Variants in PRKAR1A observed in about 807,000 individuals in gnomAD.
The protein encoded by PRKAR1A is cAMP-dependent protein kinase type I-alpha regulatory subunit.
In PRKAR1A, 3 loss-of-function variants were observed where a neutral mutation model predicts 52.0. That is an observed-to-expected ratio of 0.06 (90% CI 0.03 to 0.15). PRKAR1A has a LOEUF of 0.15. PRKAR1A is among the 10% of genes least tolerant of loss of function. The pLI is 1.00. For synonymous variants in PRKAR1A, 188 were observed against 168.4 expected (o/e 1.12, Z -0.90); for missense variants, 240 against 477.4 (o/e 0.50, Z 4.63).
At chr17:68,495,254 A>G in the PRKAR1A span, among the ~76,000 whole-genome samples, 1 of 152,102 alleles carries the variant, frequency 6.6e-6, no homozygotes, top group Non-Finnish European at 1.5e-5. Context: ...GCTGGTTTCA[A>G]ACTCCTGGCC....
At chr17:68,543,869 G>A in intron 11 of PRKAR1A, 1 of 736,480 alleles carries the variant, frequency 1.4e-6, no homozygotes, top group South Asian at 1.5e-5. Context: ...GTCAGGAATG[G>A]CCTGTGGCTC....
chr17:68,434,654 A>G, the PRKAR1A span: 25,466 of 1,612,486 alleles, frequency 0.016, 244 homozygotes, highest in Non-Finnish European at 0.018. Flanking sequence ...TGGACATTTC[A>G]TAACCATTAG....
the PRKAR1A span, among the ~76,000 whole-genome samples, chr17:68,478,126 A>G: frequency 1.3e-5 from 2 of 152,116 alleles, no homozygotes; most frequent in African/African-American, 4.8e-5. Context: ...ATGTTCTTTG[A>G]TATTTTGGCT....
the PRKAR1A span, chr17:68,426,238 C>T: frequency 1.7e-4 from 107 of 615,270 alleles, 8 homozygotes; most frequent in Admixed American, 1.2e-4. Flanking sequence ...CATGACCTGG[C>T]GGGTGGGGAG....
At chr17:68,414,440 G>C in the PRKAR1A span, among the ~76,000 whole-genome samples, 1 of 152,112 alleles carries the variant, frequency 6.6e-6, no homozygotes, top group African/African-American at 2.4e-5. Context: ...CTAGTATTTT[G>C]TTAAGGATTT....
intron 11 of PRKAR1A, among the ~76,000 whole-genome samples, chr17:68,542,460 G>T (rs1296741346): frequency 6.6e-6 from 1 of 152,086 alleles, no homozygotes; most frequent in Non-Finnish European, 1.5e-5. Flanking sequence ...GGCCAGCATT[G>T]TAGGGTCAAT....
At chr17:68,459,107 T>C in the PRKAR1A span, among the ~76,000 whole-genome samples, 2 of 152,350 alleles carry the variant, frequency 1.3e-5, 1 homozygote, top group South Asian at 4.1e-4. Flanking sequence ...TAAAAAATAG[T>C]TCAGCTCATA....
the PRKAR1A span, among the ~76,000 whole-genome samples, chr17:68,441,660 C>A: frequency 6.6e-6 from 1 of 152,144 alleles, no homozygotes; most frequent in Non-Finnish European, 1.5e-5. Flanking sequence ...GAGAGGGCTG[C>A]GGAGTGAGTC....
chr17:68,462,893 G>C, the PRKAR1A span, among the ~76,000 whole-genome samples: 1 of 152,212 alleles, frequency 6.6e-6, no homozygotes, highest in Non-Finnish European at 1.5e-5. Flanking sequence ...AAGGGCACCA[G>C]CACTTTGCCT....
At chr17:68,417,689 C>T in the PRKAR1A span, among the ~76,000 whole-genome samples, 5 of 147,106 alleles carry the variant, frequency 3.4e-5, no homozygotes, top group African/African-American at 1.3e-4. Context: ...CAGTAGTTTG[C>T]CCTGTGACTT....
At chr17:68,446,186 A>AT in the PRKAR1A span, among the ~76,000 whole-genome samples, 81 of 146,828 alleles carry the variant, frequency 5.5e-4, no homozygotes, top group East Asian at 2.6e-3. Context: ...ACATTTCTCA[A>AT]TTTTTTTTTT....
the PRKAR1A span, among the ~76,000 whole-genome samples, chr17:68,443,912 G>C: frequency 5.9e-5 from 9 of 152,162 alleles, no homozygotes; most frequent in African/African-American, 2.2e-4. Context: ...AATGTCATCT[G>C]CTATTTCAAT....
intron 11 of PRKAR1A, chr17:68,541,865 G>C: frequency 2.5e-6 from 3 of 1,187,122 alleles, no homozygotes; most frequent in Non-Finnish European, 3.6e-6. Flanking sequence ...AATATGAAAT[G>C]GGGCAAAGGA....
chr17:68,516,156 G>A (rs531118547), intron 2 of PRKAR1A, among the ~76,000 whole-genome samples: 14 of 151,744 alleles, frequency 9.2e-5, no homozygotes, highest in African/African-American at 2.2e-4. Context: ...GACTTGTTGC[G>A]CCTTGAAAAA....
chr17:68,430,108 C>A, the PRKAR1A span: 1 of 1,614,112 alleles, frequency 6.2e-7, no homozygotes, highest in Non-Finnish European at 8.5e-7. Context: ...TTGGTAGCAG[C>A]CATAAACATC....
chr17:68,493,441 G>GC, the PRKAR1A span, among the ~76,000 whole-genome samples: 17,321 of 152,024 alleles, frequency 0.11, 996 homozygotes, highest in Middle Eastern at 0.15. Context: ...ATAGGGAGAA[G>GC]CTCATGGAAT....
In PRKAR1A at chr17:68,531,672, C is replaced by T; in HGVS notation, c.*1223C>T. On this transcript the variant is annotated 3_prime_UTR_variant, in exon 11 of 11. Coordinates refer to ENST00000589228, the MANE Select transcript of PRKAR1A (RefSeq NM_002734.5). ...AAAGGCTATCCTGCTGAAAGTCCTG[C>T]TTTCCTATCTAGCATTTATTTCTCT... 1 of 1,065,786 alleles carries T rather than the reference C, an allele frequency of 9.4e-7. No individual in the cohort carries two copies. Among genetic ancestry groups the T allele is most frequent in the African/African-American group, 1.6e-5 (1 of 61,202 alleles). The allele number at this position is 1,065,786 out of a possible 1,614,324, so 66.0% of individuals were successfully genotyped here. A position where few individuals can be genotyped will look rare whatever the true frequency, so the allele number is the denominator to read the frequency against.
chr17:68,426,240 G>GGTC, the PRKAR1A span: 1 of 1,131,342 alleles, frequency 8.8e-7, no homozygotes, highest in Non-Finnish European at 1.3e-6. Context: ...TGACCTGGCG[G>GGTC]GTGGGGAGCG....
At chr17:68,431,151 A>G in the PRKAR1A span, among the ~76,000 whole-genome samples, 1 of 152,196 alleles carries the variant, frequency 6.6e-6, no homozygotes, top group East Asian at 1.9e-4. Flanking sequence ...AGATTGAGAG[A>G]GCACGGGTGT....
Sources: gnomAD v4.1 joint callset for allele counts (sites outside exome capture counted in the v4.1 genomes callset) on GRCh38, gnomAD v4.1.1 for gene constraint, MANE v1.5 for transcripts, NCBI Gene and HGNC (gene_info 2026-07-23, HGNC 2026-07-21) for gene names.